BEND2: variants seen among roughly 807,000 people sequenced by gnomAD.
The protein encoded by BEND2 is BEN domain containing 2, also known as BEN domain-containing protein 2.
BEND2 carries 19 observed loss-of-function variants against 43.8 expected under a neutral mutation model. The ratio of observed to expected loss-of-function variants is 0.43; its 90% CI spans 0.30 to 0.64. The LOEUF (loss-of-function observed/expected upper bound fraction) is 0.64, where lower values mean the gene tolerates loss of function less well. Ranked by LOEUF, BEND2 falls within the 30% of genes least tolerant of loss-of-function variation. The probability of loss-of-function intolerance (pLI) is 0.11; values close to 1 mark genes in which losing one functional copy is unlikely to be tolerated. For missense variants in BEND2, 544 were observed against 574.0 expected (o/e 0.95, Z 0.53); for synonymous variants, 226 against 210.1 (o/e 1.08, Z -0.66).
Position 18,187,524 on chromosome X carries a change from T to G in BEND2, c.1288+3477A>C, listed in dbSNP as rs56009890. ...ATATTATTAGAGCTAAAGAGAGAGA[T>G]AGGCCACAATACTAATAGCCAGAGA... On this transcript the variant is annotated intron_variant, in intron 8 of 13. Coordinates refer to ENST00000380033, the MANE Select transcript of BEND2 (RefSeq NM_153346.5). 4.5e-3 allele frequency among the ~76,000 whole-genome samples: 500 copies of G among 111,856 alleles called. 2 individuals carry two copies. Among genetic ancestry groups the G allele is most frequent in the Middle Eastern group, 0.014 (3 of 217 alleles).
At chrX:18,176,509 T>A (rs945015990) in intron 10 of BEND2, among the ~76,000 whole-genome samples, 9 of 108,259 alleles carry the variant, frequency 8.3e-5, no homozygotes, top group Non-Finnish European at 1.7e-4. Context: ...TGAGACCCCA[T>A]CTCTATAAAA....
intron 8 of BEND2, among the ~76,000 whole-genome samples, chrX:18,189,942 C>T (rs1302036735): frequency 2.8e-5 from 3 of 108,653 alleles, no homozygotes; most frequent in South Asian, 4.2e-4. Flanking sequence ...CCCAGCTACT[C>T]GGGAGGCTGA....
At chrX:18,183,142 T>A (rs1029825702) in intron 8 of BEND2, among the ~76,000 whole-genome samples, 1 of 107,745 alleles carries the variant, frequency 9.3e-6, no homozygotes, top group South Asian at 4.1e-4. Context: ...ATTTTCATTA[T>A]AGAACATTCC....
At position 18,163,798 on chromosome X, in the gene BEND2, G is replaced by A. The variant is rs900797616; in HGVS notation, c.*1211C>T. 9.0e-6 allele frequency: 1 copy of A among 111,653 alleles called. No individual in the cohort carries two copies. The highest frequency in any genetic ancestry group is 3.3e-5 in the African/African-American group (1 of 30,724). 9.2% of individuals were successfully genotyped at this position (111,653 alleles called of 1,213,427 possible). A position where few individuals can be genotyped will look rare whatever the true frequency, so the allele number is the denominator to read the frequency against. On this transcript the variant is annotated 3_prime_UTR_variant, in exon 14 of 14. Coordinates refer to ENST00000380033, the MANE Select transcript of BEND2 (RefSeq NM_153346.5). ...TATTTTTAATTGACAAATAATAACT[G>A]CATGTATTTATGGGGTATGATGTGG...
intron 3 of BEND2, 59 bp from the exon 4 acceptor site, chrX:18,212,739 CGGATATG>C: frequency 1.4e-6 from 1 of 726,151 alleles, no homozygotes; most frequent in Non-Finnish European, 2.1e-6. Context: ...AACCTTAATA[CGGATATG>C]CTCTCAGAAT....
intron 8 of BEND2, among the ~76,000 whole-genome samples, chrX:18,181,303 T>A (rs915647675): frequency 2.7e-4 from 30 of 111,037 alleles, no homozygotes; most frequent in African/African-American, 9.8e-4. Flanking sequence ...TGCTGGAAAT[T>A]TCACTCTTAG....
intron 8 of BEND2, among the ~76,000 whole-genome samples, chrX:18,185,554 T>C: frequency 9.8e-6 from 1 of 102,500 alleles, no homozygotes; most frequent in Non-Finnish European, 2.0e-5. Flanking sequence ...ATAATAATAA[T>C]AATAATAATA....
At chrX:18,219,708 C>T (rs1399520230) in intron 1 of BEND2, among the ~76,000 whole-genome samples, 1 of 111,702 alleles carries the variant, frequency 9.0e-6, no homozygotes, top group East Asian at 2.8e-4. Context: ...GAGTTCGAGA[C>T]CAGTGTGGGC....
At chrX:18,203,465 G>T in intron 5 of BEND2, 36 bp downstream of exon 5, 2 of 1,147,790 alleles carry the variant, frequency 1.7e-6, no homozygotes, top group Non-Finnish European at 2.3e-6. Context: ...CTAGATTGAA[G>T]AATGCTATCT....
chrX:18,196,526 G>A (rs1338827250), intron 6 of BEND2, among the ~76,000 whole-genome samples: 7 of 109,890 alleles, frequency 6.4e-5, no homozygotes, highest in Non-Finnish European at 1.1e-4. Context: ...GTTCAGAGCA[G>A]TTTAGTCCTA....
rs1400847250 is a variant in BEND2 at position 18,174,072 on chromosome X, C to A, written c.1939G>T (p.Glu647Ter). ...TCCTCTGGATTATCAGTGGAAGGTTCTCGCATTCCTTCAGGGATAGCATTA... is the reference window on the plus strand; with the variant it reads ...TCCTCTGGATTATCAGTGGAAGGTTATCGCATTCCTTCAGGGATAGCATTA... ...NSNAIPEGMREPSTDNPEEPG... is the reference protein window; with the variant it reads ...NSNAIPEGMR The change falls in exon 12 of 14, where the codon GAA (glutamate) becomes TAA (stop). Residue 647 changes from glutamate to a stop codon, truncating the protein, a stop_gained. Coordinates refer to ENST00000380033, the MANE Select transcript of BEND2 (RefSeq NM_153346.5). LOFTEE classifies it high-confidence loss of function. The A allele has an allele frequency of 4.1e-6, 5 of 1,209,134 alleles. No individual in the cohort carries two copies. The highest frequency in any genetic ancestry group is 5.6e-6 in the Non-Finnish European group (5 of 894,912).
At chrX:18,217,711 C>T (rs1435540680) in intron 1 of BEND2, among the ~76,000 whole-genome samples, 1 of 111,093 alleles carries the variant, frequency 9.0e-6, no homozygotes, top group African/African-American at 3.3e-5. Context: ...ATTATCTAAA[C>T]CAAAGTATTA....
At chrX:18,180,447 C>A in intron 9 of BEND2, 63 bp downstream of exon 9, 1 of 1,184,819 alleles carries the variant, frequency 8.4e-7, no homozygotes, top group Non-Finnish European at 1.1e-6. Context: ...TGTCTTGCAT[C>A]AAGGAAGTGG....
At chrX:18,218,598 C>G (rs754599223) in intron 1 of BEND2, among the ~76,000 whole-genome samples, 1 of 112,903 alleles carries the variant, frequency 8.9e-6, no homozygotes, top group South Asian at 3.6e-4. Context: ...CGTGGTGGCT[C>G]TCACTCGTAA....
chrX:18,175,162 A>G lies in BEND2; in HGVS notation c.1752+810T>C, dbSNP rs1924105300. 7.1e-5 allele frequency among the ~76,000 whole-genome samples: 8 copies of G among 112,334 alleles called. 1 individual carries two copies. The South Asian group carries it at 3.0e-3, about 42-fold the overall frequency. ...ATAAAACGGAATGTTAAAAATAAGCAGATTTGGTTTCAGGCAGATGGTGCT... is the reference window on the plus strand; with the variant it reads ...ATAAAACGGAATGTTAAAAATAAGCGGATTTGGTTTCAGGCAGATGGTGCT... On this transcript the variant is annotated intron_variant, in intron 11 of 13. Coordinates refer to ENST00000380033, the MANE Select transcript of BEND2 (RefSeq NM_153346.5).
chrX:18,183,726 A>C (rs1338540533), intron 8 of BEND2, among the ~76,000 whole-genome samples: 1 of 111,993 alleles, frequency 8.9e-6, no homozygotes, highest in Non-Finnish European at 1.9e-5. Flanking sequence ...GGTGGCCTGG[A>C]GGTACCCATT....
At chrX:18,185,530 CAAA>C (rs1179285056) in intron 8 of BEND2, among the ~76,000 whole-genome samples, 3 of 51,291 alleles carry the variant, frequency 5.8e-5, no homozygotes, top group South Asian at 3.2e-3. Flanking sequence ...GACTCAGTCG[CAAA>C]AATAATAATA....
chrX:18,182,357 C>T (rs1186696295), intron 8 of BEND2, among the ~76,000 whole-genome samples: 1 of 111,503 alleles, frequency 9.0e-6, no homozygotes, highest in African/African-American at 3.3e-5. Context: ...CCCAGTCATG[C>T]TTCCTGTTAA....
In BEND2 at chrX:18,170,428, T is replaced by C. The variant is rs145859614; in HGVS notation, c.2185+573A>G. 1.5e-4 allele frequency among the ~76,000 whole-genome samples: 17 copies of C among 112,199 alleles called. 1 individual carries two copies. In the East Asian group the frequency reaches 3.1e-3, roughly 20 times the overall value. On this transcript the variant is annotated intron_variant, in intron 13 of 13. Transcript: ENST00000380033. ...CAGTGCTGTTCAAATTTGTTGGCTA[T>C]GAAAATGTATGATATGAAGGTAGGA...
Sources: allele counts gnomAD v4.1 joint callset (sites outside exome capture counted in the v4.1 genomes callset), GRCh38; gene constraint gnomAD v4.1.1; transcripts MANE v1.5; gene names NCBI Gene and HGNC (gene_info 2026-07-23, HGNC 2026-07-21).